The following SLCO4C1 variants were observed in gnomAD, a reference collection of about 807,000 sequenced individuals.
SLCO4C1 encodes solute carrier organic anion transporter family member 4C1, also known as organic anion transporter M1.
Under a neutral mutation model 72.1 loss-of-function variants are expected in SLCO4C1, and 58 were observed. The ratio of observed to expected loss-of-function variants is 0.80; its 90% confidence interval spans 0.65 to 1.00. The LOEUF is 1.00. Among genes scored for constraint, SLCO4C1 ranks in the 50% least tolerant of loss-of-function variants. The probability of loss-of-function intolerance (pLI) is 0.00; values close to 1 mark genes in which losing one functional copy is unlikely to be tolerated. For synonymous variants in SLCO4C1, 297 were observed against 312.5 expected (o/e 0.95, Z 0.52); for missense variants, 898 against 857.9 (o/e 1.05, Z -0.58).
chr5:102,283,013 A>T (rs1223081400), intron 2 of SLCO4C1, among the ~76,000 whole-genome samples: 1 of 152,024 alleles, frequency 6.6e-6, no homozygotes, highest in Non-Finnish European at 1.5e-5. Flanking sequence ...TTTAAAAGGC[A>T]ATATTTTAAT....
chr5:102,291,780 G>GT (rs200632642), intron 1 of SLCO4C1, among the ~76,000 whole-genome samples, 174 bp from the exon 2 acceptor site: 3,184 of 151,636 alleles, frequency 0.021, 124 homozygotes, highest in African/African-American at 0.074. Flanking sequence ...TTGAAAATCA[G>GT]TTTGCTTTTT....
At chr5:102,266,800 C>T (rs957662057) in intron 3 of SLCO4C1, among the ~76,000 whole-genome samples, 5 of 151,990 alleles carry the variant, frequency 3.3e-5, no homozygotes, top group Admixed American at 3.3e-4. Context: ...GATGTACGTT[C>T]CTTTTATACC....
At chr5:102,252,651 C>T (rs977229490) in intron 8 of SLCO4C1, among the ~76,000 whole-genome samples, 1 of 152,122 alleles carries the variant, frequency 6.6e-6, no homozygotes, top group Non-Finnish European at 1.5e-5. Flanking sequence ...TAAATAATTA[C>T]TGAGATCATA....
intron 10 of SLCO4C1, among the ~76,000 whole-genome samples, chr5:102,242,348 T>C (rs1748559592): frequency 6.6e-6 from 1 of 152,206 alleles, no homozygotes; most frequent in African/African-American, 2.4e-5. Flanking sequence ...CGTGACATAC[T>C]GAGACAACAG....
At chr5:102,263,082 G>A (rs1235479273) in intron 4 of SLCO4C1, among the ~76,000 whole-genome samples, 3 of 152,188 alleles carry the variant, frequency 2.0e-5, no homozygotes, top group African/African-American at 7.2e-5. Context: ...TTTAATTCAT[G>A]TCTTAGCCAC....
At chr5:102,246,688 A>G (rs900945704) in intron 10 of SLCO4C1, among the ~76,000 whole-genome samples, 1 of 152,192 alleles carries the variant, frequency 6.6e-6, no homozygotes, top group Non-Finnish European at 1.5e-5. Flanking sequence ...GAAAAAAGCT[A>G]TAATTCATTA....
chr5:102,270,546 C>T, intron 3 of SLCO4C1, 78 bp downstream of exon 3: 2 of 1,270,986 alleles, frequency 1.6e-6, no homozygotes, highest in Non-Finnish European at 2.1e-6. Context: ...TTTTAGTAAG[C>T]CTATGTTATA....
intron 2 of SLCO4C1, among the ~76,000 whole-genome samples, chr5:102,286,140 A>AC (rs1749448127): frequency 6.6e-6 from 1 of 152,172 alleles, no homozygotes; most frequent in South Asian, 2.1e-4. Flanking sequence ...TCAAATGCCA[A>AC]TAAAAAAAAA....
rs150928461 is a variant in SLCO4C1 at position 102,274,330 on chromosome 5, C to T, written c.620-3524G>A. ...AATAAAATTAAGGATTAGAACTGTACCTAATGAACAAAGAAGTGGCCAGTC... is the reference window on the plus strand; with the variant it reads ...AATAAAATTAAGGATTAGAACTGTATCTAATGAACAAAGAAGTGGCCAGTC... On this transcript the variant is annotated intron_variant, in intron 2 of 12. Coordinates refer to ENST00000310954, the MANE Select transcript of SLCO4C1 (RefSeq NM_180991.5). Among the ~76,000 whole-genome samples the T allele has an allele frequency of 4.4e-3, 673 of 152,212 alleles. 6 individuals carry two copies. Among genetic ancestry groups the T allele is most frequent in the African/African-American group, 0.015 (609 of 41,538 alleles).
At chr5:102,240,877 A>G in intron 10 of SLCO4C1, 95 bp from the exon 11 acceptor site, 1 of 808,534 alleles carries the variant, frequency 1.2e-6, no homozygotes, top group South Asian at 2.1e-5. Flanking sequence ...GCATTCCTAT[A>G]TTAAAGTAAA....
intron 3 of SLCO4C1, among the ~76,000 whole-genome samples, chr5:102,269,370 T>C (rs577688924): frequency 6.6e-6 from 1 of 152,198 alleles, no homozygotes; most frequent in African/African-American, 2.4e-5. Flanking sequence ...TTTCATTTTG[T>C]TTGCTGTGTT....
At chr5:102,286,844 T>C (rs557380001) in intron 2 of SLCO4C1, among the ~76,000 whole-genome samples, 2 of 152,280 alleles carry the variant, frequency 1.3e-5, no homozygotes, top group African/African-American at 4.8e-5. Context: ...TTAACTTTTG[T>C]TCTTAACGTT....
chr5:102,284,259 C>A (rs1160402793), intron 2 of SLCO4C1, among the ~76,000 whole-genome samples: 1 of 152,106 alleles, frequency 6.6e-6, no homozygotes, highest in Non-Finnish European at 1.5e-5. Flanking sequence ...AAGGACAAGG[C>A]ATTAGGCTCT....
chr5:102,236,708 A>G lies in SLCO4C1; in HGVS notation c.*150T>C. On this transcript the variant is annotated 3_prime_UTR_variant, in exon 13 of 13. Coordinates refer to ENST00000310954, the MANE Select transcript of SLCO4C1 (RefSeq NM_180991.5). Reference sequence around the variant, plus strand: ...CTGTTTCTTGCATAAAACAAAAACTACATAAGTAAAAAAATACATTTGATT... The same window carrying G: ...CTGTTTCTTGCATAAAACAAAAACTGCATAAGTAAAAAAATACATTTGATT... 2.2e-6 allele frequency: 2 copies of G among 910,788 alleles called. No homozygotes were observed. Among genetic ancestry groups the G allele is most frequent in the East Asian group, 5.6e-5 (2 of 35,462 alleles). The allele number at this position is 910,788 out of a possible 1,614,324, so 56.4% of individuals were successfully genotyped here.
At chr5:102,262,723 C>T (rs912240484) in intron 4 of SLCO4C1, among the ~76,000 whole-genome samples, 1 of 152,128 alleles carries the variant, frequency 6.6e-6, no homozygotes, top group African/African-American at 2.4e-5. Flanking sequence ...TATTTTAATA[C>T]ACTTTGGCCC....
chr5:102,241,114 A>G (rs1748532200), intron 10 of SLCO4C1, among the ~76,000 whole-genome samples: 1 of 152,156 alleles, frequency 6.6e-6, no homozygotes, highest in Non-Finnish European at 1.5e-5. Context: ...GTGTACCTCA[A>G]TATAATAGAG....
At chr5:102,291,835 T>A (rs1749558622) in intron 1 of SLCO4C1, among the ~76,000 whole-genome samples, 1 of 152,160 alleles carries the variant, frequency 6.6e-6, no homozygotes, top group South Asian at 2.1e-4. Context: ...TTATTTATTT[T>A]TTTGAGACAG....
chr5:102,258,443 T>C (rs1748878712), intron 6 of SLCO4C1, among the ~76,000 whole-genome samples: 1 of 152,202 alleles, frequency 6.6e-6, no homozygotes, highest in Non-Finnish European at 1.5e-5. Context: ...TGATATTTTA[T>C]TGTGTTCTGA....
intron 10 of SLCO4C1, 69 bp downstream of exon 10, chr5:102,247,183 C>A: frequency 8.1e-7 from 1 of 1,234,346 alleles, no homozygotes; most frequent in Non-Finnish European, 1.1e-6. Context: ...CCCAAATGAA[C>A]CCCGAGTCCA....
Sources: gnomAD v4.1 joint callset for allele counts (sites outside exome capture counted in the v4.1 genomes callset) on GRCh38, gnomAD v4.1.1 for gene constraint, MANE v1.5 for transcripts, NCBI Gene and HGNC (gene_info 2026-07-23, HGNC 2026-07-21) for gene names.